The following PIGB variants were observed in gnomAD, a reference collection of about 807,000 sequenced individuals.
PIGB encodes the protein phosphatidylinositol glycan anchor biosynthesis class B.
A neutral mutation model predicts 68.4 loss-of-function variants in PIGB; 58 were observed. The observed-to-expected ratio is 0.85, with a 90% CI of 0.69 to 1.06. The LOEUF (loss-of-function observed/expected upper bound fraction) is 1.06, where lower values mean the gene tolerates loss of function less well. Ranked by LOEUF, PIGB falls within the 50% of genes least tolerant of loss-of-function variation. The pLI is 0.00. For missense variants in PIGB, 634 were observed against 655.8 expected (o/e 0.97, Z 0.36); for synonymous variants, 219 against 220.5 (o/e 0.99, Z 0.06).
intron 5 of PIGB, among the ~76,000 whole-genome samples, chr15:55,330,745 C>T (rs1403665219): frequency 6.6e-6 from 1 of 152,160 alleles, no homozygotes; most frequent in African/African-American, 2.4e-5. Context: ...TTAGGATATA[C>T]TGAAAGGAGA....
At chr15:55,352,877 G>A (rs540734879) in intron 10 of PIGB, among the ~76,000 whole-genome samples, 3 of 152,082 alleles carry the variant, frequency 2.0e-5, no homozygotes, top group Non-Finnish European at 2.9e-5. Context: ...TATCATTTTA[G>A]GGGAATTTAA....
At chr15:55,321,805 A>T (rs1316199714) in intron 3 of PIGB, among the ~76,000 whole-genome samples, 1 of 149,036 alleles carries the variant, frequency 6.7e-6, no homozygotes, top group Non-Finnish European at 1.5e-5. Context: ...GGCATGCACC[A>T]CCATGCCCGG....
chr15:55,351,857 A>T (rs1415998153), intron 10 of PIGB: 1 of 119,188 alleles, frequency 8.4e-6, no homozygotes, highest in African/African-American at 3.6e-5. Context: ...TGGGCAACAG[A>T]GCAAGACTCT....
At chr15:55,331,654 A>G (rs1209675009) in intron 5 of PIGB, among the ~76,000 whole-genome samples, 11 of 152,098 alleles carry the variant, frequency 7.2e-5, no homozygotes, top group Admixed American at 6.6e-5. Flanking sequence ...CAGGGGTTGC[A>G]GTCAGTCGAG....
intron 3 of PIGB, among the ~76,000 whole-genome samples, 167 bp from the exon 4 acceptor site, chr15:55,327,364 G>A (rs1303194025): frequency 6.6e-6 from 1 of 151,748 alleles, no homozygotes; most frequent in East Asian, 1.9e-4. Flanking sequence ...TGTAGAAAAG[G>A]GGATGTAGGG....
At chr15:55,349,329 C>T (rs939492552) in intron 9 of PIGB, among the ~76,000 whole-genome samples, 33 of 151,642 alleles carry the variant, frequency 2.2e-4, no homozygotes, top group Admixed American at 3.9e-4. Context: ...TCTACAGGTG[C>T]GCACTATCAC....
chr15:55,339,315 C>T lies in PIGB; in HGVS notation c.843C>T (p.Gly281=). ...TGATGATTGATCGTATTTTTTTTGGCCAAGTAAGTAAAAGTATATTAAGCT... is the reference window on the plus strand; with the variant it reads ...TGATGATTGATCGTATTTTTTTTGGTCAAGTAAGTAAAAGTATATTAAGCT... ...LSLMIDRIFF[G]QWTLVQFNFL... Residue 281 remains glycine (G), a synonymous_variant, in exon 7 of 12, where the codon GGC becomes GGT. Transcript: ENST00000164305. The T allele has an allele frequency of 6.5e-7, 1 of 1,547,032 alleles. No homozygotes were observed. Among genetic ancestry groups the T allele is most frequent in the Non-Finnish European group, 8.8e-7 (1 of 1,142,334 alleles).
chr15:55,331,503 C>T (rs2055413332), intron 5 of PIGB, among the ~76,000 whole-genome samples: 1 of 152,006 alleles, frequency 6.6e-6, no homozygotes, highest in Non-Finnish European at 1.5e-5. Context: ...CACTTGAGGT[C>T]GGGAGTTCGA....
chr15:55,355,060 T>A, intron 11 of PIGB, 82 bp downstream of exon 11: 1 of 1,175,394 alleles, frequency 8.5e-7, no homozygotes, highest in Non-Finnish European at 1.2e-6. Context: ...ATAGATAATA[T>A]AACCTTTTTA....
intron 3 of PIGB, chr15:55,324,729 G>C: frequency 4.5e-6 from 3 of 664,142 alleles, no homozygotes; most frequent in Non-Finnish European, 3.7e-6. Context: ...CACACTGTTG[G>C]CTCATATTAA....
intron 6 of PIGB, among the ~76,000 whole-genome samples, chr15:55,335,643 G>A (rs35768022): frequency 0.044 from 6,671 of 152,216 alleles, 230 homozygotes; most frequent in Middle Eastern, 0.058. Flanking sequence ...TTTAAATAGG[G>A]TAGTTGGGAA....
intron 10 of PIGB, among the ~76,000 whole-genome samples, chr15:55,352,557 C>T (rs547782323): frequency 2.0e-5 from 3 of 152,182 alleles, no homozygotes; most frequent in African/African-American, 4.8e-5. Flanking sequence ...GAGGCCGAGG[C>T]GGGCAGACTG....
At chr15:55,347,818 C>CCTAA (rs1397167783) in intron 9 of PIGB, among the ~76,000 whole-genome samples, 1 of 152,084 alleles carries the variant, frequency 6.6e-6, no homozygotes, top group African/African-American at 2.4e-5. Context: ...GCAAGCATTA[C>CCTAA]CTAACTTAAG....
intron 10 of PIGB, among the ~76,000 whole-genome samples, chr15:55,352,597 G>A (rs916993338): frequency 6.6e-6 from 1 of 151,960 alleles, no homozygotes; most frequent in Non-Finnish European, 1.5e-5. Context: ...GACTAGCCTG[G>A]GCCACATGGT....
chr15:55,320,593 A>C (rs930781616), intron 2 of PIGB, among the ~76,000 whole-genome samples, 183 bp downstream of exon 2: 1 of 152,192 alleles, frequency 6.6e-6, no homozygotes, highest in African/African-American at 2.4e-5. Flanking sequence ...TATATATGTA[A>C]AAAATACACA....
intron 5 of PIGB, among the ~76,000 whole-genome samples, chr15:55,331,724 T>C (rs1175627313): frequency 6.6e-6 from 1 of 151,252 alleles, no homozygotes; most frequent in Non-Finnish European, 1.5e-5. Context: ...AAAAAAAAAA[T>C]TTGTGGAGAT....
chr15:55,335,190 T>C (rs1407762949), intron 6 of PIGB, among the ~76,000 whole-genome samples: 3 of 152,226 alleles, frequency 2.0e-5, no homozygotes, highest in East Asian at 1.9e-4. Context: ...CACTCTATGA[T>C]GTTTGCACAA....
At chr15:55,339,671 A>G (rs574923) in intron 7 of PIGB, among the ~76,000 whole-genome samples, 74,128 of 152,114 alleles carry the variant, frequency 0.49, 21,304 homozygotes, top group African/African-American at 0.79. Flanking sequence ...CACACAGTCC[A>G]AAAAATATGT....
At chr15:55,322,748 AAGG>A (rs1440927650) in intron 3 of PIGB, among the ~76,000 whole-genome samples, 1 of 152,190 alleles carries the variant, frequency 6.6e-6, no homozygotes, top group African/African-American at 2.4e-5. Context: ...GATGATGGGG[AAGG>A]AGAATTCAGA....
Sources: allele counts gnomAD v4.1 joint callset (sites outside exome capture counted in the v4.1 genomes callset), GRCh38; gene constraint gnomAD v4.1.1; transcripts MANE v1.5; gene names NCBI Gene and HGNC (gene_info 2026-07-23, HGNC 2026-07-21).